Variants in AFF3 observed in about 807,000 individuals in gnomAD.
AFF3 encodes AF4/FMR2 family member 3.
A neutral mutation model predicts 129.7 loss-of-function variants in AFF3; 32 were observed. The ratio of observed to expected loss-of-function variants is 0.25; its 90% CI spans 0.19 to 0.33. The LOEUF is 0.33. Ranked by LOEUF, AFF3 falls within the 10% of genes least tolerant of loss-of-function variation. The pLI, the probability that AFF3 is intolerant of heterozygous loss-of-function variation, is 1.00. For missense variants in AFF3, 1,373 were observed against 1,592.0 expected, an observed-to-expected ratio of 0.86 and a Z score of 2.34; for synonymous variants, 644 against 635.4, an observed-to-expected ratio of 1.01 and a Z score of -0.20.
At chr2:99,996,831 T>C (rs186255462) in intron 7 of AFF3, among the ~76,000 whole-genome samples, 10 of 152,242 alleles carry the variant, frequency 6.6e-5, no homozygotes, top group Admixed American at 2.0e-4. Flanking sequence ...CAAGTAGACG[T>C]TGGCCCCAAA....
At chr2:99,852,626 C>T (rs2105877574) in intron 7 of AFF3, among the ~76,000 whole-genome samples, 1 of 152,278 alleles carries the variant, frequency 6.6e-6, no homozygotes, top group South Asian at 2.1e-4. Context: ...CCCGTAGGGC[C>T]TACCTCTCAG....
At chr2:99,653,654 T>C (rs1008003020) in intron 12 of AFF3, among the ~76,000 whole-genome samples, 5 of 152,224 alleles carry the variant, frequency 3.3e-5, no homozygotes, top group African/African-American at 1.2e-4. Flanking sequence ...CGTCTTCTAA[T>C]ACAAGCTGAG....
intron 13 of AFF3, among the ~76,000 whole-genome samples, chr2:99,612,285 A>C (rs1453868403): frequency 6.6e-6 from 1 of 152,348 alleles, no homozygotes; most frequent in East Asian, 1.9e-4. Flanking sequence ...CTAGTTAATT[A>C]TCTCAAAAGC....
chr2:99,994,332 T>G (rs932129551), intron 7 of AFF3, among the ~76,000 whole-genome samples: 21 of 152,100 alleles, frequency 1.4e-4, no homozygotes, highest in African/African-American at 4.8e-4. Flanking sequence ...AGGCTCCAAA[T>G]TCGATGAAAC....
intron 7 of AFF3, among the ~76,000 whole-genome samples, chr2:99,846,922 A>G: frequency 6.6e-6 from 1 of 152,142 alleles, no homozygotes; most frequent in East Asian, 1.9e-4. Context: ...TGCATACTCA[A>G]CATCAGCCAT....
chr2:100,066,006 AAAG>A (rs1425856632), intron 4 of AFF3, among the ~76,000 whole-genome samples: 1 of 152,238 alleles, frequency 6.6e-6, no homozygotes. Flanking sequence ...TTAAGCAAGA[AAAG>A]AAATGAAGAA....
chr2:99,889,056 G>A (rs564009983), intron 7 of AFF3, among the ~76,000 whole-genome samples: 1 of 152,190 alleles, frequency 6.6e-6, no homozygotes, highest in Admixed American at 6.5e-5. Flanking sequence ...AACCTAGGAG[G>A]AGGACAGACA....
At chr2:99,870,181 G>A (rs1691766963) in intron 7 of AFF3, among the ~76,000 whole-genome samples, 1 of 152,106 alleles carries the variant, frequency 6.6e-6, no homozygotes, top group Admixed American at 6.5e-5. Context: ...CATCTTCTTG[G>A]CTCTGCTCTG....
At chr2:99,756,644 T>G (rs942190258) in intron 8 of AFF3, among the ~76,000 whole-genome samples, 6 of 152,350 alleles carry the variant, frequency 3.9e-5, no homozygotes, top group Admixed American at 6.5e-5. Context: ...CCCCCAAGAC[T>G]GACAAATGAT....
intron 11 of AFF3, among the ~76,000 whole-genome samples, chr2:99,719,263 G>C (rs111892430): frequency 3.6e-4 from 54 of 151,598 alleles, no homozygotes; most frequent in African/African-American, 1.3e-3. Flanking sequence ...ATTTTCTAAT[G>C]GTAAACCAAC....
At chr2:99,908,276 G>A (rs1343637211) in intron 7 of AFF3, among the ~76,000 whole-genome samples, 1 of 152,170 alleles carries the variant, frequency 6.6e-6, no homozygotes, top group Non-Finnish European at 1.5e-5. Context: ...CTAGCCATAT[G>A]TAGAAAGCTG....
intron 4 of AFF3, among the ~76,000 whole-genome samples, chr2:100,027,385 C>T (rs1051962467): frequency 6.6e-6 from 1 of 152,204 alleles, no homozygotes; most frequent in Non-Finnish European, 1.5e-5. Context: ...TCTTTATAAA[C>T]TCAACTTGTC....
At chr2:100,110,901 T>C (rs1258562274) in intron 2 of AFF3, among the ~76,000 whole-genome samples, 1 of 152,242 alleles carries the variant, frequency 6.6e-6, no homozygotes, top group African/African-American at 2.4e-5. Flanking sequence ...GACTTAGTTC[T>C]GGCCAATAAG....
At chr2:100,092,628 T>C (rs1689954928) in intron 4 of AFF3, among the ~76,000 whole-genome samples, 1 of 152,248 alleles carries the variant, frequency 6.6e-6, no homozygotes, top group African/African-American at 2.4e-5. Flanking sequence ...CCAACCTGAA[T>C]GCCAGGGACC....
At chr2:99,966,825 ATAAT>A (rs1042157598) in intron 7 of AFF3, among the ~76,000 whole-genome samples, 1 of 151,890 alleles carries the variant, frequency 6.6e-6, no homozygotes, top group African/African-American at 2.4e-5. Context: ...TATGAGGAAA[ATAAT>A]TGATTCTGAT....
intron 1 of AFF3, among the ~76,000 whole-genome samples, chr2:100,136,996 A>G (rs1692664889): frequency 6.6e-6 from 1 of 151,980 alleles, no homozygotes; most frequent in Non-Finnish European, 1.5e-5. Flanking sequence ...CCATTTCCCC[A>G]TTGCATTTTC....
intron 7 of AFF3, among the ~76,000 whole-genome samples, chr2:99,838,689 C>T (rs1012638089): frequency 1.3e-5 from 2 of 152,214 alleles, no homozygotes; most frequent in African/African-American, 2.4e-5. Context: ...TCTTCCAGCA[C>T]CGTGCTCCAC....
intron 4 of AFF3, among the ~76,000 whole-genome samples, chr2:100,095,921 GA>G (rs1389841749): frequency 1.3e-5 from 2 of 152,210 alleles, no homozygotes; most frequent in Non-Finnish European, 2.9e-5. Flanking sequence ...GCCGAGCGGG[GA>G]TGCAAGGTCC....
chr2:99,824,612 G>A (rs1029882518), intron 8 of AFF3, among the ~76,000 whole-genome samples: 2 of 152,136 alleles, frequency 1.3e-5, no homozygotes, highest in Admixed American at 1.3e-4. Context: ...ATACATAGGT[G>A]TACCTTATTA....
Sources: gnomAD v4.1 joint callset for allele counts (sites outside exome capture counted in the v4.1 genomes callset) on GRCh38, gnomAD v4.1.1 for gene constraint, MANE v1.5 for transcripts, NCBI Gene and HGNC (gene_info 2026-07-23, HGNC 2026-07-21) for gene names.